ZNF831: variants seen among roughly 807,000 people sequenced by gnomAD.
The protein encoded by ZNF831 is chromosome 20 open reading frame 174.
ZNF831 carries 59 observed loss-of-function variants against 95.8 expected under a neutral mutation model. The ratio of observed to expected loss-of-function variants is 0.62; its 90% CI spans 0.50 to 0.77. The LOEUF is 0.77. ZNF831 is among the 30% of genes least tolerant of loss of function. ZNF831 has a pLI of 0.00. For synonymous variants in ZNF831, 961 were observed against 925.5 expected (o/e 1.04, Z -0.70); for missense variants, 2,205 against 2,164.0 (o/e 1.02, Z -0.38).
intron 4 of ZNF831, among the ~76,000 whole-genome samples, chr20:59,228,941 C>T (rs8120150): frequency 0.013 from 2,031 of 152,286 alleles, 42 homozygotes; most frequent in African/African-American, 0.047. Context: ...TACGCCTTCA[C>T]AAGTTTTTCT....
Position 59,149,040 on chromosome 20 carries a change from G to A in ZNF831, c.-1281+2666G>A, listed in dbSNP as rs1200708360. Among the ~76,000 whole-genome samples the A allele has an allele frequency of 4.6e-5, 7 of 152,200 alleles. No individual in the cohort carries two copies. The East Asian group carries it at 1.3e-3, about 29-fold the overall frequency. On this transcript the variant is annotated intron_variant, in intron 2 of 7. Transcript: ENST00000637017. The stretch of plus-strand genomic sequence containing the variant: ...AGGGGATGGTGTCTCCATTGGTAAC[G>A]AGGGTCTCCATCCCTTCCAGGCTGG...
Position 59,192,451 on chromosome 20 carries a change from G to A in ZNF831, c.1432G>A (p.Asp478Asn), listed in dbSNP as rs2146565764. The change falls in exon 2 of 6, where the codon GAC becomes AAC. Residue 478 changes from aspartate (D) to asparagine (N), a missense_variant. Coordinates refer to ENST00000371030, the MANE Select transcript of ZNF831 (RefSeq NM_178457.3). The surrounding 1 kb of genome is among the most constrained non-coding windows in gnomAD (Gnocchi z 5.2). ...CGTGCGCTCCACCTGGACGCCCCCA[G>A]ACAAGTCTCGGCCCCTCTTCTTCCA... ...GPVRSTWTPP[D>N]KSRPLFFHSV... 1.2e-6 allele frequency: 2 copies of A among 1,601,612 alleles called. No individual in the cohort carries two copies. The highest frequency in any genetic ancestry group is 1.7e-6 in the Non-Finnish European group (2 of 1,174,440).
chr20:59,131,186 C>T lies in ZNF831; in HGVS notation c.-1425+7681C>T, dbSNP rs11908462. Among the ~76,000 whole-genome samples, 1,242 of 152,304 alleles carry T rather than the reference C, an allele frequency of 8.2e-3. 16 individuals carry two copies. The highest frequency in any genetic ancestry group is 0.028 in the African/African-American group (1,156 of 41,558). On this transcript the variant is annotated intron_variant, in intron 1 of 7. Transcript: ENST00000637017. ...CTTCTTGGTCTGGAGTTGGAAAAGGCGTCCTCTCTGCCCCTTCCTTTCATA... is the reference window on the plus strand; with the variant it reads ...CTTCTTGGTCTGGAGTTGGAAAAGGTGTCCTCTCTGCCCCTTCCTTTCATA...
At chr20:59,248,644 T>G (rs1987731898) in intron 4 of ZNF831, among the ~76,000 whole-genome samples, 2 of 152,244 alleles carry the variant, frequency 1.3e-5, no homozygotes, top group Admixed American at 6.5e-5. Context: ...GTTTTACTTC[T>G]TCATTGAATT....
chr20:59,135,973 CAAA>C (rs996278043), intron 1 of ZNF831, among the ~76,000 whole-genome samples: 1 of 152,036 alleles, frequency 6.6e-6, no homozygotes, highest in African/African-American at 2.4e-5. Context: ...GACCCTGTCT[CAAA>C]AAAAGTCAGT....
intron 1 of ZNF831, among the ~76,000 whole-genome samples, chr20:59,143,379 G>A (rs1979740521): frequency 6.6e-6 from 1 of 152,226 alleles, no homozygotes; most frequent in African/African-American, 2.4e-5. Context: ...ACTGGCTAGT[G>A]TGAGTCCCGT....
rs902810183 is a variant in ZNF831, at chr20:59,256,231, A to G, written c.*1488A>G. ...CAAGTATCTTCATGTGAATTTTCCA[A>G]TTTTGGTGTTTTTCATAGAAAACTT... On this transcript the variant is annotated 3_prime_UTR_variant, in exon 6 of 6. Transcript: ENST00000371030. The G allele has an allele frequency of 6.6e-6, 1 of 152,146 alleles. No individual in the cohort carries two copies. The highest frequency in any genetic ancestry group is 1.5e-5 in the Non-Finnish European group (1 of 68,018). The allele number at this position is 152,146 out of a possible 1,614,324, so 9.4% of individuals were successfully genotyped here.
rs1983774339 is a variant in ZNF831, at chr20:59,193,309, G to C, written c.2290G>C (p.Ala764Pro). 6.2e-7 allele frequency: 1 copy of C among 1,612,216 alleles called. No individual in the cohort carries two copies. Among genetic ancestry groups the C allele is most frequent in the South Asian group, 1.1e-5 (1 of 90,660 alleles). ...RLELGWQMPP[A>P]PGPLKGGDVE... is the part of the protein sequence containing the mutation. ...GGAACTGGGGTGGCAGATGCCCCCA[G>C]CACCTGGCCCCCTCAAAGGGGGTGA... Residue 764 changes from alanine to proline, a missense_variant, in exon 2 of 6, where the codon GCA (alanine) becomes CCA (proline). Coordinates refer to ENST00000371030, the MANE Select transcript of ZNF831 (RefSeq NM_178457.3).
At chr20:59,182,922 A>G (rs547732010) in intron 1 of ZNF831, among the ~76,000 whole-genome samples, 1 of 152,270 alleles carries the variant, frequency 6.6e-6, no homozygotes, top group East Asian at 1.9e-4. Flanking sequence ...ACCCTTCTAG[A>G]ATCTGACAAA....
chr20:59,251,258 G>A (rs1423544248), intron 4 of ZNF831, among the ~76,000 whole-genome samples: 1 of 152,202 alleles, frequency 6.6e-6, no homozygotes, highest in East Asian at 1.9e-4. Context: ...CCCAGCCAAT[G>A]AATGAAGATC....
chr20:59,247,343 T>C (rs1170558061), intron 4 of ZNF831, among the ~76,000 whole-genome samples: 2 of 152,220 alleles, frequency 1.3e-5, no homozygotes, highest in African/African-American at 4.8e-5. Context: ...TATATAATTA[T>C]TTGCTTACTG....
In ZNF831 at chr20:59,256,295, T is replaced by G. The variant is rs145683402; in HGVS notation, c.*1552T>G. 6.6e-5 allele frequency: 10 copies of G among 152,312 alleles called. No individual in the cohort carries two copies. Among genetic ancestry groups the G allele is most frequent in the Non-Finnish European group, 1.2e-4 (8 of 68,030 alleles). The allele number at this position is 152,312 out of a possible 1,614,324, so 9.4% of individuals were successfully genotyped here. A position where few individuals can be genotyped will look rare whatever the true frequency, so the allele number is the denominator to read the frequency against. On this transcript the variant is annotated 3_prime_UTR_variant, in exon 6 of 6. Transcript: ENST00000371030. ...GCTTCCCTGGTTACTTAGCATATAT[T>G]TGTGACCATTTCATATGCACTCATA...
At chr20:59,211,912 T>G (rs1487803659) in intron 4 of ZNF831, among the ~76,000 whole-genome samples, 1 of 152,150 alleles carries the variant, frequency 6.6e-6, no homozygotes, top group Non-Finnish European at 1.5e-5. Context: ...CCCAAAGGGC[T>G]GTAACTTGGG....
At chr20:59,253,869 C>CCTTTTTTTTTT in intron 5 of ZNF831, 29 bp from the exon 6 acceptor site, 1 of 1,067,574 alleles carries the variant, frequency 9.4e-7, no homozygotes, top group Admixed American at 2.6e-5. Flanking sequence ...TCCCCCCCCA[C>CCTTTTTTTTTT]TTTTTTTTTC....
chr20:59,129,137 T>C (rs1325158370), intron 1 of ZNF831, among the ~76,000 whole-genome samples: 2 of 152,218 alleles, frequency 1.3e-5, no homozygotes, highest in African/African-American at 4.8e-5. Context: ...CCTACACCTC[T>C]CTTCTACTGA....
intron 4 of ZNF831, among the ~76,000 whole-genome samples, chr20:59,212,623 G>A (rs2146652717): frequency 6.6e-6 from 1 of 152,260 alleles, no homozygotes; most frequent in East Asian, 1.9e-4. Context: ...CTCATAGACT[G>A]GGGCTGTCTC....
chr20:59,129,579 C>T (rs141728362), intron 1 of ZNF831, among the ~76,000 whole-genome samples: 129 of 152,296 alleles, frequency 8.5e-4, no homozygotes, highest in African/African-American at 3.0e-3. Context: ...GCCGAGATCA[C>T]GCCACTGCAC....
chr20:59,209,692 A>G (rs62204014), intron 4 of ZNF831, among the ~76,000 whole-genome samples: 19,107 of 152,188 alleles, frequency 0.13, 1,540 homozygotes, highest in South Asian at 0.27. Context: ...TTTGGAGGCC[A>G]AGAGAGGCTG....
Position 59,254,959 on chromosome 20 carries a change from C to A in ZNF831, c.*216C>A. On this transcript the variant is annotated 3_prime_UTR_variant, in exon 6 of 6. Coordinates refer to ENST00000371030, the MANE Select transcript of ZNF831 (RefSeq NM_178457.3). The surrounding 1 kb of genome is among the most constrained non-coding windows in gnomAD (Gnocchi z 4.5). ...CCCTTGGGAGTGCTCTGCTCATCTT[C>A]AAATGGTGCCAGGCAGGGCAGACAT... 1.8e-6 allele frequency: 1 copy of A among 550,292 alleles called. No homozygotes were observed. 34.1% of individuals were successfully genotyped at this position (550,292 alleles called of 1,614,324 possible).
Sources: gnomAD v4.1 joint callset for allele counts (sites outside exome capture counted in the v4.1 genomes callset) on GRCh38, gnomAD v4.1.1 for gene constraint, Gnocchi (gnomAD v3.1) non-coding constraint, MANE v1.5 for transcripts, NCBI Gene and HGNC (gene_info 2026-07-23, HGNC 2026-07-21) for gene names.